Variants in CHN1 observed in about 807,000 individuals in gnomAD.
CHN1 encodes the protein N-chimaerin.
A neutral mutation model predicts 59.5 loss-of-function variants in CHN1; 37 were observed. The observed-to-expected ratio is 0.62, with a 90% confidence interval of 0.48 to 0.82. The LOEUF is 0.82. CHN1 is among the 40% of genes least tolerant of loss of function. The probability of loss-of-function intolerance (pLI) is 0.00; values close to 1 mark genes in which losing one functional copy is unlikely to be tolerated. For synonymous variants in CHN1, 206 were observed against 200.4 expected, an observed-to-expected ratio of 1.03 and a Z score of -0.24; for missense variants, 469 against 571.0, an observed-to-expected ratio of 0.82 and a Z score of 1.82.
At chr2:174,888,971 TC>T (rs1687971678) in intron 5 of CHN1, among the ~76,000 whole-genome samples, 1 of 152,106 alleles carries the variant, frequency 6.6e-6, no homozygotes, top group Non-Finnish European at 1.5e-5. Context: ...AATATGGTGT[TC>T]CAACTTTTCA....
chr2:174,892,255 C>T (rs1301581997), intron 5 of CHN1, among the ~76,000 whole-genome samples: 2 of 152,162 alleles, frequency 1.3e-5, no homozygotes, highest in Admixed American at 1.3e-4. Context: ...GTGTCCCCTG[C>T]AAAATTAATG....
At chr2:174,975,740 CAT>C (rs1690903554) in intron 1 of CHN1, among the ~76,000 whole-genome samples, 1 of 151,654 alleles carries the variant, frequency 6.6e-6, no homozygotes, top group Non-Finnish European at 1.5e-5. Flanking sequence ...TCAGTATTTA[CAT>C]AAATGGATAT....
At chr2:174,998,921 G>A (rs1691798321) in intron 1 of CHN1, among the ~76,000 whole-genome samples, 2 of 152,024 alleles carry the variant, frequency 1.3e-5, no homozygotes, top group African/African-American at 4.8e-5. Flanking sequence ...CAGCTTTACT[G>A]ACATAAATTC....
intron 6 of CHN1, among the ~76,000 whole-genome samples, chr2:174,864,702 C>T (rs1397372971): frequency 2.6e-5 from 4 of 151,912 alleles, no homozygotes; most frequent in Non-Finnish European, 4.4e-5. Flanking sequence ...AAAACCCCAT[C>T]GCTACAAAAA....
At chr2:174,921,285 G>A (rs1021774032) in intron 3 of CHN1, among the ~76,000 whole-genome samples, 10 of 152,148 alleles carry the variant, frequency 6.6e-5, no homozygotes, top group African/African-American at 2.4e-4. Context: ...CTAAGTTGTA[G>A]GTAACTAATA....
At chr2:174,891,140 C>CAAAAAAAAAAAAAAAA (rs58016502) in intron 5 of CHN1, among the ~76,000 whole-genome samples, 1 of 24,426 alleles carries the variant, frequency 4.1e-5, no homozygotes, top group African/African-American at 1.0e-4. Context: ...GACTCCATCT[C>CAAAAAAAAAAAAAAAA]AAAAAAAAAA....
intron 1 of CHN1, among the ~76,000 whole-genome samples, chr2:174,989,861 T>G (rs905547573): frequency 2.0e-5 from 3 of 152,148 alleles, no homozygotes; most frequent in African/African-American, 7.2e-5. Flanking sequence ...TTGGGACAGA[T>G]CTTTTACAAA....
chr2:174,822,525 T>C (rs2646184), intron 8 of CHN1, among the ~76,000 whole-genome samples: 11,037 of 152,190 alleles, frequency 0.073, 1,314 homozygotes, highest in African/African-American at 0.25. Flanking sequence ...ACACCCTTAC[T>C]CATGAAAGAA....
In CHN1 at chr2:175,005,098, T is replaced by A. The variant is rs545755730; in HGVS notation, c.-186A>T. On this transcript the variant is annotated 5_prime_UTR_variant, in exon 1 of 13. Coordinates refer to ENST00000409900, the MANE Select transcript of CHN1 (RefSeq NM_001822.7). Reference sequence around the variant, plus strand: ...GGGGACCGCTGCAAGAAAAAGTTATTCACGCGTTATTGTCGGGCGCACCGG... The same window carrying A: ...GGGGACCGCTGCAAGAAAAAGTTATACACGCGTTATTGTCGGGCGCACCGG... 2 of 1,332,940 alleles carry A rather than the reference T, an allele frequency of 1.5e-6. No individual in the cohort carries two copies. Among genetic ancestry groups the A allele is most frequent in the Admixed American group, 3.5e-5 (1 of 28,258 alleles). 82.6% of individuals were successfully genotyped at this position (1,332,940 alleles called of 1,614,324 possible). A position where few individuals can be genotyped will look rare whatever the true frequency, so the allele number is the denominator to read the frequency against.
chr2:174,931,335 T>C (rs1225930342), intron 3 of CHN1, among the ~76,000 whole-genome samples: 1 of 152,214 alleles, frequency 6.6e-6, no homozygotes, highest in Non-Finnish European at 1.5e-5. Flanking sequence ...AGTTGCACTA[T>C]AGGCTGTGTG....
At chr2:174,893,922 T>C (rs1688130282) in intron 5 of CHN1, among the ~76,000 whole-genome samples, 1 of 152,108 alleles carries the variant, frequency 6.6e-6, no homozygotes, top group South Asian at 2.1e-4. Flanking sequence ...TAGATATCTA[T>C]ATGCAAAGGA....
At chr2:174,811,634 C>T (rs1490424921) in intron 9 of CHN1, 46 bp from the exon 10 acceptor site, 1 of 1,162,378 alleles carries the variant, frequency 8.6e-7, no homozygotes, top group Admixed American at 2.0e-5. Context: ...GCCTTTTCTT[C>T]AGATTTTAAC....
chr2:174,844,674 CACCTGCCACAGAGTCTGG>C (rs1368307309), intron 7 of CHN1, among the ~76,000 whole-genome samples: 1 of 152,152 alleles, frequency 6.6e-6, no homozygotes, highest in Non-Finnish European at 1.5e-5. Flanking sequence ...GAGAGAACTG[CACCTGCCACAGAGTCTGG>C]GATGTTCTTG....
At chr2:174,906,155 C>T (rs561368017) in intron 5 of CHN1, among the ~76,000 whole-genome samples, 94 of 152,236 alleles carry the variant, frequency 6.2e-4, no homozygotes, top group African/African-American at 1.9e-3. Flanking sequence ...TATACAAAAA[C>T]TTGCACACAA....
intron 5 of CHN1, 58 bp downstream of exon 5, chr2:174,915,000 C>T (rs565775966): frequency 1.0e-5 from 10 of 987,714 alleles, no homozygotes; most frequent in South Asian, 1.8e-5. Context: ...AAATTTAAAG[C>T]CCTATATTAA....
intron 1 of CHN1, among the ~76,000 whole-genome samples, chr2:174,971,869 TAAG>T (rs1380141162): frequency 3.3e-5 from 5 of 152,046 alleles, no homozygotes; most frequent in Admixed American, 1.3e-4. Context: ...ATCAAGGCAA[TAAG>T]AAGAAGCCAA....
intron 4 of CHN1, among the ~76,000 whole-genome samples, chr2:174,916,893 T>C (rs1159077809): frequency 6.6e-6 from 1 of 152,224 alleles, no homozygotes; most frequent in African/African-American, 2.4e-5. Context: ...TCTATCTGTT[T>C]AAAAATTCAA....
At chr2:174,903,470 T>C (rs1278092112) in intron 5 of CHN1, among the ~76,000 whole-genome samples, 5 of 152,168 alleles carry the variant, frequency 3.3e-5, no homozygotes, top group Non-Finnish European at 4.4e-5. Context: ...ATTTTATGCA[T>C]GACCAGTTTC....
chr2:174,987,624 T>C (rs1376179039), intron 1 of CHN1, among the ~76,000 whole-genome samples: 3 of 152,028 alleles, frequency 2.0e-5, no homozygotes, highest in Admixed American at 6.6e-5. Flanking sequence ...GTAGTACAGA[T>C]GGGGTTTCAC....
Sources: allele counts gnomAD v4.1 joint callset (sites outside exome capture counted in the v4.1 genomes callset), GRCh38; gene constraint gnomAD v4.1.1; transcripts MANE v1.5; gene names NCBI Gene and HGNC (gene_info 2026-07-23, HGNC 2026-07-21).